The following ATP8A2 variants were observed in gnomAD, a reference collection of about 807,000 sequenced individuals.
ATP8A2 encodes the protein phospholipid-transporting ATPase IB.
In ATP8A2, 100 loss-of-function variants were observed where a neutral mutation model predicts 165.6. That is an observed-to-expected ratio of 0.60 (90% confidence interval 0.51 to 0.71). ATP8A2 has a LOEUF of 0.71. Ranked by LOEUF, ATP8A2 falls within the 30% of genes least tolerant of loss-of-function variation. The pLI is 0.00. For missense variants in ATP8A2, 1,227 were observed against 1,479.5 expected (o/e 0.83, Z 2.80); for synonymous variants, 543 against 548.8 (o/e 0.99, Z 0.15).
intron 25 of ATP8A2, among the ~76,000 whole-genome samples, chr13:25,741,324 C>G (rs567965761): frequency 6.6e-6 from 1 of 152,206 alleles, no homozygotes. Flanking sequence ...AGCACAGTAC[C>G]CAGACTAGAA....
At position 25,497,484 on chromosome 13, in the gene ATP8A2, A is replaced by G. The variant is rs138339380; in HGVS notation, c.221+28363A>G. Among the ~76,000 whole-genome samples the G allele has an allele frequency of 2.1e-3, 327 of 152,314 alleles. 1 individual carries two copies. The highest frequency in any genetic ancestry group is 7.6e-3 in the African/African-American group (317 of 41,564). On this transcript the variant is annotated intron_variant, in intron 2 of 36. Transcript: ENST00000381655. ...CTTTTTCAGATTTCAGGGGAAAATA[A>G]AGGCTGTTTTAATGTATGAATGCAC... is the stretch of plus-strand genomic sequence containing the variant.
rs568703051 is a variant in ATP8A2 at position 25,642,687 on chromosome 13, A to G, written c.2211+52988A>G. Among the ~76,000 whole-genome samples the G allele has an allele frequency of 3.5e-4, 54 of 152,312 alleles. No homozygotes were observed. In the South Asian group the frequency reaches 7.7e-3, roughly 22 times the overall value. ...AACCATTGTGTAAGACCATTTGACT[A>G]TTTGACTCAGCCATCCCATTACTGG... On this transcript the variant is annotated intron_variant, in intron 24 of 36. Transcript: ENST00000381655.
At chr13:25,479,315 T>C (rs1187950553) in intron 2 of ATP8A2, among the ~76,000 whole-genome samples, 3 of 152,234 alleles carry the variant, frequency 2.0e-5, no homozygotes, top group Non-Finnish European at 4.4e-5. Context: ...TTATTTTGAA[T>C]GCTTTTGGCC....
chr13:25,437,662 A>G (rs1022023906), intron 1 of ATP8A2, among the ~76,000 whole-genome samples: 10 of 152,228 alleles, frequency 6.6e-5, no homozygotes, highest in Non-Finnish European at 1.3e-4. Context: ...TCCTGATGGT[A>G]ACACCTTACC....
chr13:25,418,764 T>C (rs2034209567), intron 1 of ATP8A2, among the ~76,000 whole-genome samples: 3 of 152,156 alleles, frequency 2.0e-5, no homozygotes, highest in Non-Finnish European at 4.4e-5. Context: ...AATGCTAGAA[T>C]CAAATATCGC....
chr13:25,539,765 T>C (rs997108815), intron 7 of ATP8A2, among the ~76,000 whole-genome samples: 3 of 152,256 alleles, frequency 2.0e-5, no homozygotes, highest in Admixed American at 1.3e-4. Flanking sequence ...ATATCTGTTA[T>C]GCTTATTTTT....
In ATP8A2 at chr13:26,024,999, G is replaced by GGA. The variant is rs1264109863; in HGVS notation, c.*5020_*5021dup. The GGA allele has an allele frequency of 6.6e-6, 1 of 151,748 alleles. No homozygotes were observed. The highest frequency in any genetic ancestry group is 2.4e-5 in the African/African-American group (1 of 41,276). The allele number at this position is 151,748 out of a possible 1,614,324, so 9.4% of individuals were successfully genotyped here. ...GTGAAAGAGAAAAGGCCGGAAAGAGGGAGAGAGCCCAGAGAGCAGGCTGCG... is the reference window on the plus strand; with the variant it reads ...GTGAAAGAGAAAAGGCCGGAAAGAGGGAGAGAGAGCCCAGAGAGCAGGCTGCG... On this transcript the variant is annotated 3_prime_UTR_variant, in exon 37 of 37. Coordinates refer to ENST00000381655, the MANE Select transcript of ATP8A2 (RefSeq NM_016529.6).
intron 24 of ATP8A2, among the ~76,000 whole-genome samples, chr13:25,671,920 G>T (rs559942316): frequency 6.6e-6 from 1 of 152,278 alleles, no homozygotes; most frequent in East Asian, 1.9e-4. Context: ...GCAGCTTGTG[G>T]GGTATCACGG....
At chr13:25,851,574 CT>C (rs929981564) in intron 30 of ATP8A2, among the ~76,000 whole-genome samples, 2 of 145,156 alleles carry the variant, frequency 1.4e-5, no homozygotes, top group African/African-American at 2.5e-5. Flanking sequence ...CAGAGTGTGA[CT>C]CTGTCTCAAA....
chr13:25,683,366 A>G (rs1044704760), intron 24 of ATP8A2, among the ~76,000 whole-genome samples: 2 of 152,178 alleles, frequency 1.3e-5, no homozygotes, highest in African/African-American at 4.8e-5. Context: ...TAGACACATA[A>G]GTTTCTTAAA....
At chr13:25,626,666 T>G (rs1275839540) in intron 24 of ATP8A2, among the ~76,000 whole-genome samples, 1 of 151,656 alleles carries the variant, frequency 6.6e-6, no homozygotes, top group Non-Finnish European at 1.5e-5. Flanking sequence ...TGTTAAGGAG[T>G]GGTATGGGGA....
chr13:25,528,262 ATTGT>A (rs2037904322), intron 2 of ATP8A2, among the ~76,000 whole-genome samples: 1 of 152,190 alleles, frequency 6.6e-6, no homozygotes, highest in Non-Finnish European at 1.5e-5. Context: ...CAAGTTACAT[ATTGT>A]TTAAGTTTTA....
At chr13:25,753,041 G>A (rs1319972235) in intron 25 of ATP8A2, among the ~76,000 whole-genome samples, 1 of 152,150 alleles carries the variant, frequency 6.6e-6, no homozygotes, top group African/African-American at 2.4e-5. Flanking sequence ...CTGCTGTGGG[G>A]TCTTTGTGCC....
rs369452375 is a variant in ATP8A2, at chr13:25,764,306, A to C, written c.2385-4740A>C. Among the ~76,000 whole-genome samples, 7 of 152,216 alleles carry C rather than the reference A, an allele frequency of 4.6e-5. No individual in the cohort carries two copies. In the East Asian group the frequency reaches 5.8e-4, roughly 13 times the overall value. The stretch of plus-strand genomic sequence containing the variant: ...ATATTTTTAATGAAATACCAATAAA[A>C]TGTATACTTTCTGGGTTTCTGTTTA... On this transcript the variant is annotated intron_variant, in intron 25 of 36. Transcript: ENST00000381655.
At chr13:25,967,709 T>A (rs1955811960) in intron 34 of ATP8A2, among the ~76,000 whole-genome samples, 1 of 152,230 alleles carries the variant, frequency 6.6e-6, no homozygotes, top group Non-Finnish European at 1.5e-5. Context: ...TCTGGTTAAA[T>A]GTCTTTTCAC....
chr13:25,889,165 A>G (rs961240967), intron 33 of ATP8A2, among the ~76,000 whole-genome samples: 3 of 148,366 alleles, frequency 2.0e-5, no homozygotes, highest in African/African-American at 5.0e-5. Flanking sequence ...TTGTTGCTTC[A>G]GGCCTGATCA....
chr13:25,891,001 C>T (rs958150660), intron 33 of ATP8A2, among the ~76,000 whole-genome samples: 4 of 152,152 alleles, frequency 2.6e-5, no homozygotes, highest in African/African-American at 4.8e-5. Context: ...TGCAGTGGAC[C>T]ACGAGTGCTC....
chr13:25,665,004 A>T (rs1344811333), intron 24 of ATP8A2, among the ~76,000 whole-genome samples: 1 of 152,052 alleles, frequency 6.6e-6, no homozygotes, highest in East Asian at 1.9e-4. Flanking sequence ...AGATTGAAAA[A>T]AAAAAAGCCG....
intron 25 of ATP8A2, among the ~76,000 whole-genome samples, chr13:25,704,455 C>A (rs2043015208): frequency 6.6e-6 from 1 of 151,672 alleles, no homozygotes; most frequent in Non-Finnish European, 1.5e-5. Context: ...TCTTCCTGTT[C>A]AGTCTCCCAA....
Sources: allele counts gnomAD v4.1 joint callset (sites outside exome capture counted in the v4.1 genomes callset), GRCh38; gene constraint gnomAD v4.1.1; transcripts MANE v1.5; gene names NCBI Gene and HGNC (gene_info 2026-07-23, HGNC 2026-07-21).